ACSM2A: variants seen among roughly 807,000 people sequenced by gnomAD.
ACSM2A encodes acyl-coenzyme A synthetase ACSM2A, mitochondrial.
Under a neutral mutation model 76.6 loss-of-function variants are expected in ACSM2A, and 72 were observed. That is an observed-to-expected ratio of 0.94 (90% CI 0.78 to 1.14). The LOEUF is 1.14. ACSM2A is among the 50% of genes most tolerant of loss of function. ACSM2A has a pLI of 0.00. For missense variants in ACSM2A, 684 were observed against 708.5 expected (o/e 0.97, Z 0.39); for synonymous variants, 249 against 255.9 (o/e 0.97, Z 0.26).
At chr16:20,477,631 G>A (rs570048051) in intron 9 of ACSM2A, among the ~76,000 whole-genome samples, 182 bp downstream of exon 9, 49 of 152,094 alleles carry the variant, frequency 3.2e-4, no homozygotes, top group South Asian at 2.9e-3. Flanking sequence ...GAGGAAAAGG[G>A]GAAATGATTT....
rs1567361998 is a variant in ACSM2A at position 20,465,658 on chromosome 16, G to A, written c.319G>A (p.Asp107Asn). 1.2e-6 allele frequency: 2 copies of A among 1,614,020 alleles called. No homozygotes were observed. Among genetic ancestry groups the A allele is most frequent in the Admixed American group, 1.7e-5 (1 of 60,024 alleles). ...LSGACGLQRG[D>N]RVAVVLPRVP... ...GGGAGCCTGTGGCCTGCAGCGTGGG[G>A]ATCGTGTGGCAGTGGTGCTGCCCCG... The change falls in exon 3 of 14, where the codon GAT becomes AAT. Residue 107 changes from aspartate to asparagine, a missense_variant. Coordinates refer to ENST00000573854, the MANE Select transcript of ACSM2A (RefSeq NM_001308172.2).
chr16:20,472,771 A>T (rs897729766), intron 6 of ACSM2A, among the ~76,000 whole-genome samples: 9 of 152,234 alleles, frequency 5.9e-5, no homozygotes, highest in Admixed American at 3.9e-4. Flanking sequence ...TTTACTCAAA[A>T]TATTCTCTGT....
At chr16:20,478,195 C>T (rs1394677) in intron 9 of ACSM2A, among the ~76,000 whole-genome samples, 1 of 151,926 alleles carries the variant, frequency 6.6e-6, no homozygotes, top group Non-Finnish European at 1.5e-5. Context: ...GCACTGAAGC[C>T]CAGAGTTTAA....
rs2013244686 is a variant in ACSM2A, at chr16:20,469,572, A to C, written c.449A>C (p.Gln150Pro). The C allele has an allele frequency of 6.2e-7, 1 of 1,613,802 alleles. No homozygotes were observed. Among genetic ancestry groups the C allele is most frequent in the Admixed American group, 1.7e-5 (1 of 59,998 alleles). The change falls in exon 4 of 14, where the codon CAG becomes CCG. Residue 150 changes from glutamine to proline, a missense_variant. This residue lies in a region of ACSM2A where 519 missense variants were observed against 549.5 expected (regional missense o/e 0.94). Coordinates refer to ENST00000573854, the MANE Select transcript of ACSM2A (RefSeq NM_001308172.2). ...TCCACTGACATACTGTATAGGTTGCAGATGTCTAAGGCCAAGGCTATTGTT... is the reference window on the plus strand; with the variant it reads ...TCCACTGACATACTGTATAGGTTGCCGATGTCTAAGGCCAAGGCTATTGTT... ...MKSTDILYRL[Q>P]MSKAKAIVAG...
chr16:20,485,334 C>T (rs921916455), intron 13 of ACSM2A, among the ~76,000 whole-genome samples: 2 of 152,164 alleles, frequency 1.3e-5, no homozygotes, highest in Non-Finnish European at 2.9e-5. Flanking sequence ...CTAGAATTCT[C>T]AAGGCAGCGG....
At chr16:20,472,393 T>C (rs1310645465) in intron 6 of ACSM2A, among the ~76,000 whole-genome samples, 1 of 152,182 alleles carries the variant, frequency 6.6e-6, no homozygotes, top group Admixed American at 6.5e-5. Flanking sequence ...ACAGTGCTGG[T>C]ATATCTTCCT....
rs542673849 is a variant in ACSM2A, at chr16:20,463,008, C to G, written c.178-2509C>G. Reference sequence around the variant, plus strand: ...AAAAAAACCAAACACAGCATGTTCTCACTCATAGGTGGGAATTGAACAATG... The same window carrying G: ...AAAAAAACCAAACACAGCATGTTCTGACTCATAGGTGGGAATTGAACAATG... On this transcript the variant is annotated intron_variant, in intron 2 of 13. Transcript: ENST00000573854. 1.2e-3 allele frequency among the ~76,000 whole-genome samples: 175 copies of G among 144,078 alleles called. 1 individual carries two copies. The highest frequency in any genetic ancestry group is 4.3e-3 in the African/African-American group (167 of 38,536). The allele number at this position is 144,078 out of a possible 152,430, so 94.5% of individuals were successfully genotyped here.
chr16:20,458,010 C>T (rs12921966), intron 1 of ACSM2A, among the ~76,000 whole-genome samples: 8 of 151,926 alleles, frequency 5.3e-5, no homozygotes, highest in South Asian at 4.1e-4. Flanking sequence ...GTAGCTCTGC[C>T]ATACTTTAAT....
At position 20,486,019 on chromosome 16, in the gene ACSM2A, T is replaced by C. The variant is rs556422907; in HGVS notation, c.1630-555T>C. On this transcript the variant is annotated intron_variant, in intron 13 of 13. Coordinates refer to ENST00000573854, the MANE Select transcript of ACSM2A (RefSeq NM_001308172.2). The stretch of plus-strand genomic sequence containing the variant: ...TATAGTTTTGCTTAGGGTACATTGA[T>C]AGGAAATGATTGATGTGGAATTCAA... 2.7e-4 allele frequency among the ~76,000 whole-genome samples: 41 copies of C among 152,340 alleles called. No homozygotes were observed. The South Asian group carries it at 8.3e-3, about 31-fold the overall frequency.
intron 9 of ACSM2A, among the ~76,000 whole-genome samples, 198 bp from the exon 10 acceptor site, chr16:20,478,378 G>T (rs531011576): frequency 2.0e-5 from 3 of 152,160 alleles, no homozygotes; most frequent in Non-Finnish European, 2.9e-5. Flanking sequence ...TCAATAAAAG[G>T]ATTCACCTAA....
rs761802947 is a variant in ACSM2A at position 20,480,864 on chromosome 16, G to T, written c.1452G>T (p.Glu484Asp). 4 of 1,613,970 alleles carry T rather than the reference G, an allele frequency of 2.5e-6. No individual in the cohort carries two copies. The East Asian group carries it at 8.9e-5, about 36-fold the overall frequency. Reference protein sequence around the residue: ...GPSEVENALMEHPAVVETAVI... With the variant: ...GPSEVENALMDHPAVVETAVI... ...CGGAGGTAGAGAATGCACTGATGGAGCACCCTGCTGTGGTTGAGACGGCTG... is the reference window on the plus strand; with the variant it reads ...CGGAGGTAGAGAATGCACTGATGGATCACCCTGCTGTGGTTGAGACGGCTG... The change falls in exon 12 of 14, where the codon GAG (glutamate) becomes GAT (aspartate). Residue 484 changes from glutamate (E) to aspartate (D), a missense_variant. Transcript: ENST00000573854.
At position 20,486,785 on chromosome 16, in the gene ACSM2A, A is replaced by C; in HGVS notation, c.*107A>C. On this transcript the variant is annotated 3_prime_UTR_variant, in exon 14 of 14. Transcript: ENST00000573854. ...ATGAGATTCTTTATGGAAGAACATG[A>C]ATATAAGTTTTGTCTTGCCTTGGTT... 1 of 1,366,426 alleles carries C rather than the reference A, an allele frequency of 7.3e-7. No individual in the cohort carries two copies. 84.6% of individuals were successfully genotyped at this position (1,366,426 alleles called of 1,614,324 possible).
intron 1 of ACSM2A, among the ~76,000 whole-genome samples, chr16:20,458,021 A>G (rs1270355454): frequency 1.3e-5 from 2 of 152,030 alleles, no homozygotes; most frequent in Non-Finnish European, 2.9e-5. Context: ...ATACTTTAAT[A>G]GCAACCAAGC....
intron 6 of ACSM2A, chr16:20,474,355 G>C (rs2013598323): frequency 5.6e-6 from 1 of 179,314 alleles, no homozygotes; most frequent in Admixed American, 5.9e-5. Flanking sequence ...TAGTGGGTTA[G>C]TTTTGGAGAG....
chr16:20,481,816 C>T (rs1280854369), intron 12 of ACSM2A: 3 of 132,282 alleles, frequency 2.3e-5, no homozygotes, highest in African/African-American at 5.5e-5. Flanking sequence ...TTGCGTGTAA[C>T]AAAATGTCAC....
chr16:20,461,538 T>C (rs2012623059), intron 2 of ACSM2A, among the ~76,000 whole-genome samples: 1 of 151,954 alleles, frequency 6.6e-6, no homozygotes, highest in Non-Finnish European at 1.5e-5. Flanking sequence ...ATGAAAACCA[T>C]GGAGAAAATA....
At chr16:20,476,658 A>C in intron 8 of ACSM2A, 21 of 986,702 alleles carry the variant, frequency 2.1e-5, no homozygotes, top group Non-Finnish European at 2.4e-5. Context: ...CTCTCTTCTG[A>C]GGTGGGTGGA....
intron 6 of ACSM2A, among the ~76,000 whole-genome samples, chr16:20,472,832 T>G (rs1477085732): frequency 6.6e-6 from 1 of 152,226 alleles, no homozygotes; most frequent in Non-Finnish European, 1.5e-5. Context: ...TTTAGCTGGC[T>G]GCAAAGTATT....
intron 1 of ACSM2A, among the ~76,000 whole-genome samples, chr16:20,457,670 G>A (rs911221474): frequency 1.3e-5 from 2 of 152,018 alleles, no homozygotes; most frequent in African/African-American, 4.8e-5. Context: ...ATACCTTAAT[G>A]TAATAAAAGC....
Sources: allele counts gnomAD v4.1 joint callset (sites outside exome capture counted in the v4.1 genomes callset), GRCh38; gene constraint gnomAD v4.1.1; regional missense constraint gnomAD v4.1.1; transcripts MANE v1.5; gene names NCBI Gene and HGNC (gene_info 2026-07-23, HGNC 2026-07-21).